The following LTBP1 variants were observed in gnomAD, a reference collection of about 807,000 sequenced individuals.
LTBP1 encodes the protein latent transforming growth factor beta binding protein 1, also known as latent-transforming growth factor beta-binding protein 1.
LTBP1 carries 129 observed loss-of-function variants against 207.6 expected under a neutral mutation model. The ratio of observed to expected loss-of-function variants is 0.62; its 90% confidence interval spans 0.54 to 0.72. The LOEUF (loss-of-function observed/expected upper bound fraction) is 0.72. LTBP1 is among the 30% of genes least tolerant of loss of function. The pLI is 0.00. For missense variants in LTBP1, 2,281 were observed against 2,217.2 expected (o/e 1.03, Z -0.58); for synonymous variants, 963 against 833.7 (o/e 1.16, Z -2.67).
Position 33,171,257 on chromosome 2 carries a change from T to C in LTBP1, c.1202-15599T>C, listed in dbSNP as rs945335477. Among the ~76,000 whole-genome samples, 19 of 123,748 alleles carry C rather than the reference T, an allele frequency of 1.5e-4. 1 individual carries two copies. Among genetic ancestry groups the C allele is most frequent in the African/African-American group, 4.7e-4 (16 of 34,242 alleles). The allele number at this position is 123,748 out of a possible 152,430, so 81.2% of individuals were successfully genotyped here. A position where few individuals can be genotyped will look rare whatever the true frequency, so the allele number is the denominator to read the frequency against. On this transcript the variant is annotated intron_variant, in intron 5 of 33. Transcript: ENST00000404816. ...CCAAAGGCCAAGAAGTTGAAAACTT[T>C]GAAAAAAATTTAGACGAATGTATAA...
rs746472080 is a variant in LTBP1 at position 33,257,518 on chromosome 2, G to A, written c.2395+7G>A. The A allele has an allele frequency of 1.9e-5, 30 of 1,610,546 alleles. No individual in the cohort carries two copies. The highest frequency in any genetic ancestry group is 2.5e-5 in the Non-Finnish European group (29 of 1,176,876). The stretch of plus-strand genomic sequence containing the variant: ...GGAGTGGCGGAGCCAGAAGGTGAGA[G>A]CGGTAATGGATCATGGACTCTAGAC... On this transcript the variant is annotated splice_region_variant and intron_variant, in intron 12 of 33. Transcript: ENST00000404816.
At chr2:33,130,483 A>G (rs989745537) in intron 4 of LTBP1, among the ~76,000 whole-genome samples, 3 of 152,236 alleles carry the variant, frequency 2.0e-5, no homozygotes, top group African/African-American at 4.8e-5. Context: ...TGACCAAACA[A>G]GGCAACTGTG....
At position 33,137,513 on chromosome 2, in the gene LTBP1, G is replaced by A. The variant is rs978889578; in HGVS notation, c.1201+2553G>A. Reference sequence around the variant, plus strand: ...CCATCATCGTGTGAAAGCAGCCAGAGACAATATGAACAAGAATAGGTGTGG... The same window carrying A: ...CCATCATCGTGTGAAAGCAGCCAGAAACAATATGAACAAGAATAGGTGTGG... On this transcript the variant is annotated intron_variant, in intron 5 of 33. Transcript: ENST00000404816. 5.3e-5 allele frequency among the ~76,000 whole-genome samples: 8 copies of A among 152,296 alleles called. No individual in the cohort carries two copies. In the East Asian group the frequency reaches 1.3e-3, roughly 26 times the overall value.
chr2:33,354,519 G>A lies in LTBP1; in HGVS notation c.4001-6078G>A, dbSNP rs548923372. On this transcript the variant is annotated intron_variant, in intron 26 of 33. Coordinates refer to ENST00000404816, the MANE Select transcript of LTBP1 (RefSeq NM_206943.4). ...AGTCAAGTTTCTTCCCACATCCAGC[G>A]ATGACAATGAGAAGGTATCATCTTT... Among the ~76,000 whole-genome samples, 11 of 152,056 alleles carry A rather than the reference G, an allele frequency of 7.2e-5. No individual in the cohort carries two copies. In the East Asian group the frequency reaches 7.7e-4, roughly 11 times the overall value.
chr2:33,323,962 AACT>A (rs546996231), intron 24 of LTBP1, among the ~76,000 whole-genome samples: 6 of 152,118 alleles, frequency 3.9e-5, no homozygotes, highest in Non-Finnish European at 8.8e-5. Context: ...AAGCTGTGTG[AACT>A]TGGTGAGTGC....
At chr2:33,306,925 T>C (rs944162694) in intron 22 of LTBP1, among the ~76,000 whole-genome samples, 4 of 151,900 alleles carry the variant, frequency 2.6e-5, no homozygotes, top group Admixed American at 2.6e-4. Context: ...CCGTCTCTAC[T>C]AAAAATACAA....
chr2:33,110,549 T>C (rs2080344520), intron 3 of LTBP1, 33 bp from the exon 4 acceptor site: 4 of 1,596,068 alleles, frequency 2.5e-6, no homozygotes, highest in Non-Finnish European at 3.4e-6. Context: ...AGCCCATTAT[T>C]TAATTCCTTC....
intron 3 of LTBP1, among the ~76,000 whole-genome samples, chr2:33,023,850 C>T (rs190583146): frequency 2.5e-4 from 38 of 152,318 alleles, no homozygotes; most frequent in Middle Eastern, 3.4e-3. Context: ...CAAGGAATCA[C>T]ATGTGATAGG....
intron 18 of LTBP1, among the ~76,000 whole-genome samples, chr2:33,276,882 A>G (rs964715584): frequency 1.2e-4 from 18 of 152,282 alleles, no homozygotes; most frequent in Admixed American, 3.3e-4. Context: ...ACAAAACACT[A>G]TGGCACTTTT....
At chr2:33,389,359 C>T in intron 32 of LTBP1, 53 bp downstream of exon 32, 1 of 1,604,052 alleles carries the variant, frequency 6.2e-7, no homozygotes, top group East Asian at 2.2e-5. Context: ...GAAGATTAAT[C>T]AGTGGTCCTC....
At chr2:33,036,750 GC>G (rs1290401407) in intron 3 of LTBP1, among the ~76,000 whole-genome samples, 2 of 152,140 alleles carry the variant, frequency 1.3e-5, no homozygotes, top group Non-Finnish European at 2.9e-5. Flanking sequence ...GAGACACTGT[GC>G]CCAGCCTCGT....
chr2:33,162,782 A>G (rs17012615), intron 5 of LTBP1, among the ~76,000 whole-genome samples: 2 of 152,222 alleles, frequency 1.3e-5, no homozygotes, highest in African/African-American at 2.4e-5. Context: ...AATAAACAAT[A>G]TAAGTGAATA....
At chr2:33,262,948 A>G (rs563848751) in intron 14 of LTBP1, 127 bp downstream of exon 14, 1 of 572,044 alleles carries the variant, frequency 1.7e-6, no homozygotes, top group South Asian at 2.9e-5. Flanking sequence ...TGTTAAGTAT[A>G]GTAATATACT....
At chr2:33,378,648 CTG>C (rs1478756424) in intron 31 of LTBP1, among the ~76,000 whole-genome samples, 1 of 152,230 alleles carries the variant, frequency 6.6e-6, no homozygotes, top group Non-Finnish European at 1.5e-5. Flanking sequence ...GAGAAAATCA[CTG>C]TGCATAATTG....
chr2:33,318,144 C>T (rs2094299778), intron 24 of LTBP1, among the ~76,000 whole-genome samples: 1 of 152,062 alleles, frequency 6.6e-6, no homozygotes, highest in South Asian at 2.1e-4. Context: ...CCACCACCCC[C>T]CAAAAAAAAT....
At chr2:33,198,951 T>C (rs1180788336) in intron 7 of LTBP1, among the ~76,000 whole-genome samples, 1 of 152,178 alleles carries the variant, frequency 6.6e-6, no homozygotes. Flanking sequence ...CTTTTGAATG[T>C]GTTTGCTCTT....
At chr2:33,189,002 T>C in intron 7 of LTBP1, 151 bp downstream of exon 7, 1 of 859,672 alleles carries the variant, frequency 1.2e-6, no homozygotes, top group South Asian at 1.8e-5. Flanking sequence ...AAAGTTTTAT[T>C]GCCACACTCA....
intron 23 of LTBP1, among the ~76,000 whole-genome samples, chr2:33,309,932 T>A (rs1464456920): frequency 6.6e-6 from 1 of 150,994 alleles, no homozygotes; most frequent in African/African-American, 2.4e-5. Context: ...TCTATTTTTA[T>A]CCAGTGCCCG....
intron 3 of LTBP1, among the ~76,000 whole-genome samples, chr2:33,026,399 A>G (rs1180424812): frequency 2.0e-5 from 3 of 152,172 alleles, no homozygotes; most frequent in South Asian, 4.1e-4. Flanking sequence ...CTTAATATAT[A>G]TATATTTAGA....
Sources: allele counts gnomAD v4.1 joint callset (sites outside exome capture counted in the v4.1 genomes callset), GRCh38; gene constraint gnomAD v4.1.1; transcripts MANE v1.5; gene names NCBI Gene and HGNC (gene_info 2026-07-23, HGNC 2026-07-21).